FBN2: variants seen among roughly 807,000 people sequenced by gnomAD.
The protein encoded by FBN2 is fibrillin-2.
A neutral mutation model predicts 355.6 loss-of-function variants in FBN2; 105 were observed. That is an observed-to-expected ratio of 0.30 (90% CI 0.25 to 0.35). FBN2 has a LOEUF of 0.35. Among genes scored for constraint, FBN2 ranks in the 10% least tolerant of loss-of-function variants. FBN2 has a pLI of 1.00. For synonymous variants in FBN2, 1,350 were observed against 1,301.2 expected, an observed-to-expected ratio of 1.04 and a Z score of -0.81; for missense variants, 3,280 against 3,758.7, an observed-to-expected ratio of 0.87 and a Z score of 3.33.
At chr5:128,305,207 A>G in intron 44 of FBN2, 125 bp from the exon 45 acceptor site, 3 of 916,118 alleles carry the variant, frequency 3.3e-6, no homozygotes, top group Non-Finnish European at 5.2e-6. Context: ...AACCATAACA[A>G]CAGCTGAATC....
intron 5 of FBN2, among the ~76,000 whole-genome samples, chr5:128,496,576 T>C (rs1356811361): frequency 6.6e-6 from 1 of 152,146 alleles, no homozygotes; most frequent in Non-Finnish European, 1.5e-5. Flanking sequence ...ACTTGTTACG[T>C]TCCGCGTAAG....
intron 55 of FBN2, among the ~76,000 whole-genome samples, chr5:128,284,319 A>C (rs936608342): frequency 1.3e-5 from 2 of 152,182 alleles, no homozygotes; most frequent in African/African-American, 2.4e-5. Context: ...AGGGTCACAG[A>C]GCTAGCACAC....
At chr5:128,498,619 G>A (rs922917482) in intron 5 of FBN2, among the ~76,000 whole-genome samples, 1 of 152,074 alleles carries the variant, frequency 6.6e-6, no homozygotes, top group African/African-American at 2.4e-5. Flanking sequence ...CAAATGCAGG[G>A]AAATAAACTA....
chr5:128,362,461 A>G (rs1751661945), intron 18 of FBN2, among the ~76,000 whole-genome samples: 1 of 152,140 alleles, frequency 6.6e-6, no homozygotes, highest in South Asian at 2.1e-4. Flanking sequence ...GCCCACAATG[A>G]GTTTTTTGTT....
At chr5:128,303,808 C>T (rs552620575) in intron 45 of FBN2, among the ~76,000 whole-genome samples, 12 of 152,176 alleles carry the variant, frequency 7.9e-5, no homozygotes, top group Admixed American at 1.3e-4. Flanking sequence ...TTTCCCCATA[C>T]GAAATTCTGA....
intron 45 of FBN2, 122 bp downstream of exon 45, chr5:128,304,835 T>A (rs926384469): frequency 1.5e-5 from 19 of 1,280,496 alleles, no homozygotes; most frequent in Non-Finnish European, 2.0e-5. Context: ...TTGACCTAGT[T>A]AATTTTTTGC....
At chr5:128,445,165 A>G (rs115755619) in intron 7 of FBN2, among the ~76,000 whole-genome samples, 67 of 152,332 alleles carry the variant, frequency 4.4e-4, no homozygotes, top group African/African-American at 1.6e-3. Flanking sequence ...GTATTTAAGT[A>G]GTATAAGACA....
In FBN2 at chr5:128,374,727, C is replaced by T. The variant is rs145132117; in HGVS notation, c.1996G>A (p.Gly666Arg). 7 of 1,613,792 alleles carry T rather than the reference C, an allele frequency of 4.3e-6. No individual in the cohort carries two copies. The African/African-American group carries it at 8.0e-5, about 18-fold the overall frequency. Residue 666 changes from glycine to arginine, a missense_variant, in exon 15 of 65, where the codon GGA (glycine) becomes AGA (arginine). Physicochemically the swap from Gly to Arg is moderately radical, Grantham distance 125. Coordinates refer to ENST00000262464, the MANE Select transcript of FBN2 (RefSeq NM_001999.4). The part of the protein sequence containing the change: ...CTDVDECQTP[G>R]ICMNGHCINS... ...ATGCAGTGCCCATTCATGCAGATTC[C>T]TGGGGTCTGGCATTCATCAACATCT...
intron 8 of FBN2, among the ~76,000 whole-genome samples, chr5:128,405,349 ACAAGTGTGAGGTGG>A (rs1752898223): frequency 6.6e-6 from 1 of 152,160 alleles, no homozygotes. Context: ...TGAGGGAAAT[ACAAGTGTGAGGTGG>A]CAAGTGGTTA....
At chr5:128,463,834 T>C (rs562280863) in intron 6 of FBN2, among the ~76,000 whole-genome samples, 308 of 152,282 alleles carry the variant, frequency 2.0e-3, no homozygotes, top group Non-Finnish European at 3.6e-3. Flanking sequence ...GTTTTAATTA[T>C]AGAAAATAAC....
Position 128,393,207 on chromosome 5 carries a change from T to C in FBN2, c.1393A>G (p.Asn465Asp). The C allele has an allele frequency of 3.1e-6, 5 of 1,614,178 alleles. No individual in the cohort carries two copies. The highest frequency in any genetic ancestry group is 4.2e-6 in the Non-Finnish European group (5 of 1,180,030). ...CCCCCAACGCCAGGAGAAAAGCCAT[T>C]GCCTCCAGGGATGGGGATGAAGCCT... is the stretch of plus-strand genomic sequence containing the variant. ...GTGFIPIPGG[N>D]GFSPGVGGAG... Residue 465 changes from asparagine (N) to aspartate (D), a missense_variant, in exon 10 of 65, where the codon AAT (asparagine) becomes GAT (aspartate). Physicochemically the swap from Asn to Asp is conservative, Grantham distance 23. This residue lies in a region of FBN2 where 343 missense variants were observed against 331.0 expected (regional missense o/e 1.04). Transcript: ENST00000262464.
At chr5:128,294,211 C>T (rs1401139579) in intron 48 of FBN2, among the ~76,000 whole-genome samples, 1 of 151,958 alleles carries the variant, frequency 6.6e-6, no homozygotes, top group African/African-American at 2.4e-5. Flanking sequence ...TGTATATGTG[C>T]CACATTTTCT....
intron 24 of FBN2, among the ~76,000 whole-genome samples, chr5:128,344,890 G>A (rs1189082816): frequency 2.0e-5 from 3 of 151,092 alleles, no homozygotes; most frequent in Admixed American, 6.6e-5. Flanking sequence ...TAGTAGAGAC[G>A]GGGTTTCACC....
chr5:128,389,046 T>G (rs563692990), intron 11 of FBN2, among the ~76,000 whole-genome samples: 1 of 152,362 alleles, frequency 6.6e-6, no homozygotes, highest in Middle Eastern at 3.4e-3. Flanking sequence ...TTCTAATTAT[T>G]TTTTATTTTC....
chr5:128,272,976 T>C (rs1169642466), intron 61 of FBN2, among the ~76,000 whole-genome samples: 2 of 152,160 alleles, frequency 1.3e-5, no homozygotes, highest in African/African-American at 4.8e-5. Context: ...GAAAATGAGA[T>C]ACATATAAAA....
intron 55 of FBN2, 128 bp downstream of exon 55, chr5:128,286,590 G>T: frequency 9.2e-7 from 1 of 1,091,648 alleles, no homozygotes; most frequent in Non-Finnish European, 1.4e-6. Flanking sequence ...AAGAAAGCTA[G>T]CTGTATCACT....
chr5:128,515,093 T>C (rs1756244831), intron 5 of FBN2, among the ~76,000 whole-genome samples: 1 of 152,170 alleles, frequency 6.6e-6, no homozygotes, highest in Non-Finnish European at 1.5e-5. Context: ...CAGTTATTTC[T>C]AAACGAACTT....
intron 34 of FBN2, among the ~76,000 whole-genome samples, chr5:128,321,496 C>T (rs538311738): frequency 2.0e-5 from 3 of 152,208 alleles, no homozygotes; most frequent in African/African-American, 7.2e-5. Context: ...TCCCTGTCCA[C>T]GTGTTCTCAC....
At chr5:128,320,881 C>T (rs569317082) in intron 34 of FBN2, among the ~76,000 whole-genome samples, 1 of 152,244 alleles carries the variant, frequency 6.6e-6, no homozygotes, top group East Asian at 1.9e-4. Flanking sequence ...AATTTTTAGA[C>T]AGTATTAATG....
Sources: allele counts gnomAD v4.1 joint callset (sites outside exome capture counted in the v4.1 genomes callset), GRCh38; gene constraint gnomAD v4.1.1; regional missense constraint gnomAD v4.1.1; transcripts MANE v1.5; gene names NCBI Gene and HGNC (gene_info 2026-07-23, HGNC 2026-07-21).